Variants in CSDE1 observed in about 807,000 individuals in gnomAD.
The protein encoded by CSDE1 is cold shock domain containing E1.
CSDE1 carries 17 observed loss-of-function variants against 89.3 expected under a neutral mutation model. The observed-to-expected ratio is 0.19, with a 90% CI of 0.13 to 0.29. The LOEUF (loss-of-function observed/expected upper bound fraction) is 0.29, where lower values mean the gene tolerates loss of function less well. Ranked by LOEUF, CSDE1 falls within the 10% of genes least tolerant of loss-of-function variation. The probability of loss-of-function intolerance (pLI) is 1.00; values close to 1 mark genes in which losing one functional copy is unlikely to be tolerated. For missense variants in CSDE1, 672 were observed against 984.2 expected (o/e 0.68, Z 4.24); for synonymous variants, 322 against 332.8 (o/e 0.97, Z 0.35).
intron 2 of CSDE1, 64 bp from the exon 3 acceptor site, chr1:114,739,954 G>A: frequency 2.3e-6 from 3 of 1,318,662 alleles, no homozygotes; most frequent in African/African-American, 1.5e-5. Flanking sequence ...TATTAAGTCT[G>A]GTTAATAAGT....
In CSDE1 at chr1:114,732,822, G is replaced by T; in HGVS notation, c.838-6C>A. ...CGTCCTGGCAATGGGTCATTCTGAT[G>T]AGAAGGAAAAACGATTTTAGCTGGA... is the stretch of plus-strand genomic sequence containing the variant. On this transcript the variant is annotated splice_polypyrimidine_tract_variant and splice_region_variant and intron_variant, in intron 9 of 19. Coordinates refer to ENST00000358528, the MANE Select transcript of CSDE1 (RefSeq NM_001007553.3). 6.2e-7 allele frequency: 1 copy of T among 1,612,232 alleles called. No homozygotes were observed. Among genetic ancestry groups the T allele is most frequent in the Non-Finnish European group, 8.5e-7 (1 of 1,178,444 alleles).
chr1:114,718,094 G>T lies in CSDE1; in HGVS notation c.*75C>A. ...CCAGATTTCGGGAGGGATGAAGAGGGAGATATTCAGAACCCTTCACCAGAT... is the reference window on the plus strand; with the variant it reads ...CCAGATTTCGGGAGGGATGAAGAGGTAGATATTCAGAACCCTTCACCAGAT... On this transcript the variant is annotated 3_prime_UTR_variant, in exon 20 of 20. Coordinates refer to ENST00000358528, the MANE Select transcript of CSDE1 (RefSeq NM_001007553.3). 2 of 1,472,642 alleles carry T rather than the reference G, an allele frequency of 1.4e-6. No homozygotes were observed. Among genetic ancestry groups the T allele is most frequent in the Non-Finnish European group, 1.9e-6 (2 of 1,053,618 alleles). The allele number at this position is 1,472,642 out of a possible 1,614,324, so 91.2% of individuals were successfully genotyped here.
chr1:114,720,609 T>TG lies in CSDE1; in HGVS notation c.1981dup (p.Gln661ProfsTer29). ...GTTGTAAGCCATAGTTTGTGCATTT[T>TG]GGCCCAGGACACACAATTGGAACTT... On this transcript the variant is annotated frameshift_variant, in exon 17 of 20. Transcript: ENST00000358528. LOFTEE classifies it high-confidence loss of function. The TG allele has an allele frequency of 6.2e-7, 1 of 1,614,170 alleles. No homozygotes were observed. Among genetic ancestry groups the TG allele is most frequent in the Non-Finnish European group, 8.5e-7 (1 of 1,180,028 alleles).
intron 2 of CSDE1, among the ~76,000 whole-genome samples, chr1:114,740,363 GT>G (rs1660654480): frequency 6.6e-6 from 1 of 152,190 alleles, no homozygotes; most frequent in South Asian, 2.1e-4. Flanking sequence ...CATATTTCAA[GT>G]TAGTAGAGAT....
chr1:114,733,547 A>C (rs6693683), intron 9 of CSDE1, among the ~76,000 whole-genome samples, 185 bp downstream of exon 9: 21,161 of 151,234 alleles, frequency 0.14, 2,076 homozygotes, highest in Non-Finnish European at 0.21. Context: ...AAAAAAAAAA[A>C]AACACCATAT....
At chr1:114,746,124 A>G (rs1400086866) in intron 2 of CSDE1, among the ~76,000 whole-genome samples, 1 of 152,178 alleles carries the variant, frequency 6.6e-6, no homozygotes, top group Non-Finnish European at 1.5e-5. Context: ...ATTCTCAGAC[A>G]TACCTCCCCT....
chr1:114,718,708 G>A lies in CSDE1; in HGVS notation c.2254C>T (p.Arg752Trp). The A allele has an allele frequency of 1.2e-6, 2 of 1,614,130 alleles. No individual in the cohort carries two copies. The highest frequency in any genetic ancestry group is 1.7e-6 in the Non-Finnish European group (2 of 1,180,006). ...ATATTCTTCAAGCGATTGACCAACC[G>A]ATCAGGTCGAGGAGCTGCAACAGCC... is the stretch of plus-strand genomic sequence containing the variant. The part of the protein sequence containing the change: ...PKAVAAPRPD[R>W]LVNRLKNITL... Residue 752 changes from arginine (R) to tryptophan (W), a missense_variant, in exon 19 of 20, where the codon CGG becomes TGG. This residue lies in a region of CSDE1 where 206 missense variants were observed against 332.4 expected (regional missense o/e 0.62). Transcript: ENST00000358528.
At position 114,719,561 on chromosome 1, in the gene CSDE1, C is replaced by T; in HGVS notation, c.2216+18G>A. Reference sequence around the variant, plus strand: ...ACTCCAGGGTAGTTACTAATCAAACCACAACAACAAAACTCACCAGACTCG... The same window carrying T: ...ACTCCAGGGTAGTTACTAATCAAACTACAACAACAAAACTCACCAGACTCG... On this transcript the variant is annotated intron_variant, in intron 18 of 19. Coordinates refer to ENST00000358528, the MANE Select transcript of CSDE1 (RefSeq NM_001007553.3). The T allele has an allele frequency of 6.2e-7, 1 of 1,607,986 alleles. No homozygotes were observed. Among genetic ancestry groups the T allele is most frequent in the Non-Finnish European group, 8.5e-7 (1 of 1,177,926 alleles).
rs777883903 is a variant in CSDE1, at chr1:114,739,859, T to C, written c.32A>G (p.Asn11Ser). MSFDPNLLHN[N>S]GHNGYPNGTS... Reference sequence around the variant, plus strand: ...ACCATTAGGGTACCCATTATGTCCATTGTTGTGGAGAAGGTTTGGATCAAA... The same window carrying C: ...ACCATTAGGGTACCCATTATGTCCACTGTTGTGGAGAAGGTTTGGATCAAA... Residue 11 changes from asparagine to serine, a missense_variant, in exon 3 of 20, where the codon AAT (asparagine) becomes AGT (serine). Coordinates refer to ENST00000358528, the MANE Select transcript of CSDE1 (RefSeq NM_001007553.3). 2.9e-5 allele frequency: 46 copies of C among 1,613,968 alleles called. 1 individual carries two copies. The highest frequency in any genetic ancestry group is 5.0e-5 in the Admixed American group (3 of 60,008).
At position 114,723,947 on chromosome 1, in the gene CSDE1, G is replaced by C; in HGVS notation, c.1809C>G (p.Arg603=). The C allele has an allele frequency of 6.2e-7, 1 of 1,614,014 alleles. No homozygotes were observed. Among genetic ancestry groups the C allele is most frequent in the Non-Finnish European group, 8.5e-7 (1 of 1,179,928 alleles). The change falls in exon 16 of 20, where the codon CGC becomes CGG. Residue 603 remains arginine (R), a synonymous_variant. Transcript: ENST00000358528. ...GTGTTGGATCAACACTCCTCAGGGG[G>C]CGAATTACTTTGCCAGAGTAAATGG... ...DPTIYSGKVI[R]PLRSVDPTQT...
At chr1:114,723,559 G>T (rs1407585862) in intron 16 of CSDE1, among the ~76,000 whole-genome samples, 1 of 152,086 alleles carries the variant, frequency 6.6e-6, no homozygotes, top group African/African-American at 2.4e-5. Context: ...TACTAATGAA[G>T]GAACTGAATA....
chr1:114,741,650 A>G, intron 2 of CSDE1: 1 of 1,545,662 alleles, frequency 6.5e-7, no homozygotes, highest in Non-Finnish European at 8.7e-7. Flanking sequence ...ATGACACAGT[A>G]AAAACGTTCT....
At chr1:114,737,715 T>C (rs1424112873) in intron 4 of CSDE1, 152 bp from the exon 5 acceptor site, 3 of 709,172 alleles carry the variant, frequency 4.2e-6, no homozygotes, top group African/African-American at 3.6e-5. Context: ...AGTTTCAAAC[T>C]TACAGTATGT....
chr1:114,738,195 C>A, intron 3 of CSDE1, 123 bp from the exon 4 acceptor site: 1 of 724,406 alleles, frequency 1.4e-6, no homozygotes, highest in Non-Finnish European at 2.4e-6. Flanking sequence ...AGTGTGGTCC[C>A]TGGACCAGCA....
chr1:114,755,167 C>T (rs537079808), intron 1 of CSDE1, among the ~76,000 whole-genome samples: 6 of 152,330 alleles, frequency 3.9e-5, no homozygotes, highest in African/African-American at 1.4e-4. Context: ...TCAATTCAAA[C>T]TAGTCACACT....
chr1:114,727,266 CCTAGCTCAGT>C (rs1377458354), intron 12 of CSDE1, among the ~76,000 whole-genome samples, 176 bp from the exon 13 acceptor site: 6 of 152,298 alleles, frequency 3.9e-5, no homozygotes, highest in Admixed American at 3.9e-4. Context: ...TTGCCTTAAG[CCTAGCTCAGT>C]CTGCTGTAAT....
chr1:114,724,070 CA>C, intron 15 of CSDE1, 68 bp from the exon 16 acceptor site: 1 of 1,514,268 alleles, frequency 6.6e-7, no homozygotes, highest in Non-Finnish European at 8.9e-7. Context: ...GACAAGTAAG[CA>C]AAAAATAACA....
chr1:114,719,907 G>GA (rs1659416977), intron 17 of CSDE1, among the ~76,000 whole-genome samples, 165 bp from the exon 18 acceptor site: 1 of 152,228 alleles, frequency 6.6e-6, no homozygotes, highest in Non-Finnish European at 1.5e-5. Context: ...ATGTATCTCT[G>GA]AAAGTGCCAT....
chr1:114,742,247 A>G (rs1460660033), intron 2 of CSDE1, among the ~76,000 whole-genome samples: 1 of 152,164 alleles, frequency 6.6e-6, no homozygotes. Flanking sequence ...ATGCCCGATA[A>G]GGAGATATAT....
Sources: gnomAD v4.1 joint callset for allele counts (sites outside exome capture counted in the v4.1 genomes callset) on GRCh38, gnomAD v4.1.1 for gene constraint, gnomAD v4.1.1 regional missense constraint, MANE v1.5 for transcripts, NCBI Gene and HGNC (gene_info 2026-07-23, HGNC 2026-07-21) for gene names.